The following TCAIM variants were observed in gnomAD, a reference collection of about 807,000 sequenced individuals.
The protein encoded by TCAIM is T cell activation inhibitor, mitochondrial, also known as T-cell activation inhibitor, mitochondrial.
Under a neutral mutation model 58.6 loss-of-function variants are expected in TCAIM, and 36 were observed. The observed-to-expected ratio is 0.61, with a 90% confidence interval of 0.47 to 0.81. TCAIM has a LOEUF of 0.81. TCAIM is among the 30% of genes least tolerant of loss of function. The pLI is 0.00. For synonymous variants in TCAIM, 172 were observed against 193.6 expected, an observed-to-expected ratio of 0.89 and a Z score of 0.93; for missense variants, 466 against 579.6, an observed-to-expected ratio of 0.80 and a Z score of 2.01.
intron 10 of TCAIM, among the ~76,000 whole-genome samples, chr3:44,401,796 C>T (rs1238219275): frequency 2.0e-5 from 3 of 152,038 alleles, no homozygotes; most frequent in Non-Finnish European, 4.4e-5. Context: ...TTGGGGAGGC[C>T]GAGGCAGGCA....
chr3:44,389,637 A>G (rs536058337), intron 5 of TCAIM, among the ~76,000 whole-genome samples: 1 of 152,258 alleles, frequency 6.6e-6, no homozygotes, highest in African/African-American at 2.4e-5. Context: ...GTAAATTAAG[A>G]TATTTTTACC....
chr3:44,378,072 T>A (rs920860384), intron 5 of TCAIM, among the ~76,000 whole-genome samples: 9 of 152,136 alleles, frequency 5.9e-5, no homozygotes, highest in African/African-American at 2.2e-4. Flanking sequence ...ATATCCAGAA[T>A]CTATCAGGAA....
chr3:44,403,035 G>A (rs751550603), intron 10 of TCAIM, among the ~76,000 whole-genome samples: 3 of 152,182 alleles, frequency 2.0e-5, no homozygotes, highest in South Asian at 2.1e-4. Flanking sequence ...TTGGGAGGCC[G>A]AGGTGGGCGG....
chr3:44,403,153 CA>C lies in TCAIM; in HGVS notation c.1250+1820del, dbSNP rs1702047543. On this transcript the variant is annotated intron_variant, in intron 10 of 10. Transcript: ENST00000342649. ...GCGTGGTGGCATGCACCTGTAATCC[CA>C]GCTACTCGGGAGGCTGAGACAGGAG... Among the ~76,000 whole-genome samples, 5 of 152,120 alleles carry C rather than the reference CA, an allele frequency of 3.3e-5. No individual in the cohort carries two copies. In the South Asian group the frequency reaches 1.0e-3, roughly 32 times the overall value.
At chr3:44,341,973 T>G (rs2125713073) in intron 1 of TCAIM, among the ~76,000 whole-genome samples, 1 of 152,330 alleles carries the variant, frequency 6.6e-6, no homozygotes, top group South Asian at 2.1e-4. Context: ...GTCTGTGTCT[T>G]TCCACCATTT....
chr3:44,367,935 C>G (rs1701407806), intron 5 of TCAIM: 1 of 424,746 alleles, frequency 2.4e-6, no homozygotes, highest in Admixed American at 3.9e-5. Context: ...ATACTTCCAA[C>G]TGTATTTAAA....
In TCAIM at chr3:44,345,112, T is replaced by TA. The variant is rs764001010; in HGVS notation, c.-45+6280dup. On this transcript the variant is annotated intron_variant, in intron 1 of 10. Coordinates refer to ENST00000342649, the MANE Select transcript of TCAIM (RefSeq NM_173826.4). ...AATTTTTGGGGGTGGTATGGAAAGA[T>TA]AATGGGCGACGTTTCTCAGGGCTGC... is the stretch of plus-strand genomic sequence containing the variant. 1.5e-3 allele frequency among the ~76,000 whole-genome samples: 231 copies of TA among 152,154 alleles called. 1 individual carries two copies. The highest frequency in any genetic ancestry group is 2.4e-3 in the Admixed American group (37 of 15,284).
chr3:44,396,619 C>A, intron 7 of TCAIM, 122 bp downstream of exon 7: 2 of 1,399,982 alleles, frequency 1.4e-6, no homozygotes, highest in Non-Finnish European at 2.0e-6. Context: ...TTGAATAAAG[C>A]AGTGGCATAA....
In TCAIM at chr3:44,387,725, C is replaced by A. The variant is rs556746746; in HGVS notation, c.573-5130C>A. ...TGTGAGCTGAGTGCAGCCTGCCAGG[C>A]CAAGTGGGCAGAATGAGCCCAGTGG... On this transcript the variant is annotated intron_variant, in intron 5 of 10. Coordinates refer to ENST00000342649, the MANE Select transcript of TCAIM (RefSeq NM_173826.4). 2.1e-3 allele frequency among the ~76,000 whole-genome samples: 314 copies of A among 152,296 alleles called. 2 individuals are homozygous for A. Among genetic ancestry groups the A allele is most frequent in the African/African-American group, 7.1e-3 (297 of 41,558 alleles).
intron 5 of TCAIM, among the ~76,000 whole-genome samples, chr3:44,373,061 T>C (rs1701505793): frequency 6.6e-6 from 1 of 152,192 alleles, no homozygotes; most frequent in Non-Finnish European, 1.5e-5. Context: ...AGGGTAAAAT[T>C]GTGTCCTAGC....
chr3:44,400,374 G>C lies in TCAIM; in HGVS notation c.905G>C (p.Ser302Thr), dbSNP rs762718160. 3.1e-6 allele frequency: 5 copies of C among 1,613,234 alleles called. No homozygotes were observed. Among genetic ancestry groups the C allele is most frequent in the Admixed American group, 1.7e-5 (1 of 59,866 alleles). Reference protein sequence around the residue: ...HWTKLFERLPSYFDLQRRLMI... With the variant: ...HWTKLFERLPTYFDLQRRLMI... Reference sequence around the variant, plus strand: ...CTGTAGCTTTTTGAAAGATTGCCAAGTTATTTTGACCTTCAGAGGAGGCTG... The same window carrying C: ...CTGTAGCTTTTTGAAAGATTGCCAACTTATTTTGACCTTCAGAGGAGGCTG... The change falls in exon 9 of 11, where the codon AGT becomes ACT. Residue 302 changes from serine to threonine, a missense_variant. Transcript: ENST00000342649.
rs1241943884 is a variant in TCAIM, at chr3:44,361,517, C to T, written c.318C>T (p.Ser106=). The change falls in exon 4 of 11, where the codon TCC becomes TCT. Residue 106 remains serine (S), a splice_region_variant and synonymous_variant. Coordinates refer to ENST00000342649, the MANE Select transcript of TCAIM (RefSeq NM_173826.4). ...ATGGCCAGGAACCTTTTAGTACTTC[C>T]GGTACGTTTTTTATTTCTGGTGTGT... The part of the protein sequence containing the change: ...SSDGQEPFST[S]GFRAVKFTLH... 8.2e-6 allele frequency: 13 copies of T among 1,585,728 alleles called. No homozygotes were observed. The East Asian group carries it at 9.0e-5, about 11-fold the overall frequency.
At chr3:44,340,451 A>G (rs1250624223) in intron 1 of TCAIM, 2 of 152,338 alleles carry the variant, frequency 1.3e-5, no homozygotes, top group East Asian at 3.9e-4. Context: ...CCTGCTGGAC[A>G]TTGTCTCTAC....
At chr3:44,399,886 G>T (rs1701995447) in intron 8 of TCAIM, among the ~76,000 whole-genome samples, 2 of 152,152 alleles carry the variant, frequency 1.3e-5, no homozygotes. Flanking sequence ...CACTTGAAGT[G>T]TCCAGCTCAG....
At chr3:44,392,094 A>G (rs959199012) in intron 5 of TCAIM, among the ~76,000 whole-genome samples, 4 of 152,226 alleles carry the variant, frequency 2.6e-5, no homozygotes, top group African/African-American at 4.8e-5. Flanking sequence ...AAAATATTCT[A>G]TCTCTAGGAA....
chr3:44,341,597 A>G (rs912340404), intron 1 of TCAIM, among the ~76,000 whole-genome samples: 1 of 152,148 alleles, frequency 6.6e-6, no homozygotes, highest in Non-Finnish European at 1.5e-5. Flanking sequence ...TTTTTCAACA[A>G]AGTTTTTCAA....
chr3:44,348,354 G>A (rs1191529644), intron 1 of TCAIM, among the ~76,000 whole-genome samples: 1 of 151,800 alleles, frequency 6.6e-6, no homozygotes, highest in Non-Finnish European at 1.5e-5. Context: ...AGGGGCTCTG[G>A]GAACAGCTCC....
intron 1 of TCAIM, among the ~76,000 whole-genome samples, chr3:44,351,090 C>T (rs1301281002): frequency 4.6e-5 from 7 of 152,182 alleles, no homozygotes; most frequent in Admixed American, 4.6e-4. Flanking sequence ...GCAACATCTG[C>T]CTCCCAGGTT....
At position 44,406,231 on chromosome 3, in the gene TCAIM, T is replaced by C. The variant is rs964363346; in HGVS notation, c.1251-1211T>C. ...GAGTCTTGCCCAGATTTTAAAGATA[T>C]ATTGTTGGAGAACTATGCAGCAACA... On this transcript the variant is annotated intron_variant, in intron 10 of 10. Coordinates refer to ENST00000342649, the MANE Select transcript of TCAIM (RefSeq NM_173826.4). Among the ~76,000 whole-genome samples the C allele has an allele frequency of 1.2e-4, 18 of 152,210 alleles. 1 individual carries two copies. The highest frequency in any genetic ancestry group is 7.2e-4 in the Admixed American group (11 of 15,288).
Sources: gnomAD v4.1 joint callset for allele counts (sites outside exome capture counted in the v4.1 genomes callset) on GRCh38, gnomAD v4.1.1 for gene constraint, MANE v1.5 for transcripts, NCBI Gene and HGNC (gene_info 2026-07-23, HGNC 2026-07-21) for gene names.